The following C1orf21 variants were observed in gnomAD, a reference collection of about 807,000 sequenced individuals.
C1orf21 encodes uncharacterized protein C1orf21.
A neutral mutation model predicts 18.7 loss-of-function variants in C1orf21; 3 were observed. The observed-to-expected ratio is 0.16, with a 90% CI of 0.07 to 0.42. The LOEUF (loss-of-function observed/expected upper bound fraction) is 0.42. C1orf21 is among the 10% of genes least tolerant of loss of function. C1orf21 has a pLI of 0.99. For synonymous variants in C1orf21, 41 were observed against 46.4 expected (o/e 0.88, Z 0.47); for missense variants, 104 against 143.6 (o/e 0.72, Z 1.41).
chr1:184,562,625 T>C (rs982210355), intron 3 of C1orf21, among the ~76,000 whole-genome samples: 3 of 152,320 alleles, frequency 2.0e-5, no homozygotes, highest in Admixed American at 6.5e-5. Flanking sequence ...TAAATTGTCA[T>C]TTGTCTACAC....
At chr1:184,430,240 A>G (rs186851217) in intron 1 of C1orf21, among the ~76,000 whole-genome samples, 4 of 152,184 alleles carry the variant, frequency 2.6e-5, no homozygotes, top group East Asian at 1.9e-4. Flanking sequence ...TACTGAGAAT[A>G]TATCAGTAGA....
rs552730088 is a variant in C1orf21 at position 184,613,400 on chromosome 1, T to C, written c.328-6118T>C. Among the ~76,000 whole-genome samples, 4 of 152,334 alleles carry C rather than the reference T, an allele frequency of 2.6e-5. No homozygotes were observed. The East Asian group carries it at 7.7e-4, about 29-fold the overall frequency. ...AATACAAATAATGAATAATGGACAG[T>C]GGGATTCTAGTATCAACTTTGGTTG... On this transcript the variant is annotated intron_variant, in intron 5 of 5. Coordinates refer to ENST00000235307, the MANE Select transcript of C1orf21 (RefSeq NM_030806.4).
intron 2 of C1orf21, among the ~76,000 whole-genome samples, chr1:184,479,276 G>A (rs4651210): frequency 0.51 from 77,619 of 151,952 alleles, 20,164 homozygotes; most frequent in African/African-American, 0.62. Flanking sequence ...TGAAACGCTT[G>A]ACTTTTAAGA....
At chr1:184,607,628 CACAT>C (rs1337709639) in intron 5 of C1orf21, among the ~76,000 whole-genome samples, 2 of 150,400 alleles carry the variant, frequency 1.3e-5, no homozygotes, top group African/African-American at 2.5e-5. Flanking sequence ...TGTGTATATA[CACAT>C]ACATATATAT....
intron 1 of C1orf21, among the ~76,000 whole-genome samples, chr1:184,414,856 AC>A (rs1656423008): frequency 6.6e-6 from 1 of 152,120 alleles, no homozygotes; most frequent in South Asian, 2.1e-4. Flanking sequence ...TCTTTTGGCC[AC>A]CTTTAGGTCA....
At chr1:184,596,656 G>A (rs941466197) in intron 4 of C1orf21, among the ~76,000 whole-genome samples, 27 of 152,070 alleles carry the variant, frequency 1.8e-4, no homozygotes, top group African/African-American at 6.5e-4. Context: ...GATCACCTGA[G>A]GTCAGGTGTT....
chr1:184,461,932 T>A (rs1306009237), intron 1 of C1orf21, among the ~76,000 whole-genome samples: 1 of 152,154 alleles, frequency 6.6e-6, no homozygotes, highest in African/African-American at 2.4e-5. Context: ...GTAAAACATC[T>A]CTATTCTTTT....
intron 5 of C1orf21, among the ~76,000 whole-genome samples, chr1:184,610,568 C>G (rs1351472786): frequency 1.3e-5 from 2 of 152,140 alleles, no homozygotes; most frequent in Non-Finnish European, 2.9e-5. Context: ...GCTTCTAGGC[C>G]AGGCGCGGTG....
At chr1:184,510,955 A>G (rs982318929) in intron 3 of C1orf21, among the ~76,000 whole-genome samples, 6 of 152,166 alleles carry the variant, frequency 3.9e-5, no homozygotes, top group African/African-American at 1.4e-4. Flanking sequence ...AGATTTGGGT[A>G]AGGTTGCAGA....
intron 1 of C1orf21, among the ~76,000 whole-genome samples, chr1:184,455,771 A>C (rs1657189661): frequency 6.6e-6 from 1 of 152,198 alleles, no homozygotes; most frequent in Admixed American, 6.5e-5. Flanking sequence ...GAATGGGTGA[A>C]TATATAACAT....
intron 1 of C1orf21, among the ~76,000 whole-genome samples, chr1:184,460,780 C>A (rs953182131): frequency 6.8e-6 from 1 of 146,614 alleles, no homozygotes; most frequent in East Asian, 2.0e-4. Flanking sequence ...CTCCTGGGTT[C>A]AATCAGTCTT....
At chr1:184,436,936 G>C (rs1547608) in intron 1 of C1orf21, among the ~76,000 whole-genome samples, 2 of 152,040 alleles carry the variant, frequency 1.3e-5, no homozygotes, top group African/African-American at 2.4e-5. Flanking sequence ...GAGATTGAGC[G>C]GCGGGTTGGG....
chr1:184,571,744 G>A (rs576935037), intron 3 of C1orf21, among the ~76,000 whole-genome samples: 5 of 152,166 alleles, frequency 3.3e-5, no homozygotes, highest in South Asian at 2.1e-4. Context: ...ACATAAGGGG[G>A]GAGTTTAAAA....
chr1:184,544,359 A>G (rs1658698635), intron 3 of C1orf21, among the ~76,000 whole-genome samples: 1 of 152,184 alleles, frequency 6.6e-6, no homozygotes, highest in African/African-American at 2.4e-5. Flanking sequence ...TTTCCTGTGC[A>G]TTGCTGATGA....
intron 1 of C1orf21, among the ~76,000 whole-genome samples, chr1:184,399,639 G>GC (rs1656118212): frequency 6.6e-6 from 1 of 152,116 alleles, no homozygotes; most frequent in South Asian, 2.1e-4. Context: ...ATAGGCATGA[G>GC]CCACCACTCC....
intron 1 of C1orf21, among the ~76,000 whole-genome samples, chr1:184,463,100 A>AG (rs1553251402): frequency 5.4e-4 from 82 of 151,318 alleles, no homozygotes; most frequent in Middle Eastern, 3.4e-3. Flanking sequence ...AAAAAAAAAA[A>AG]AAGAAGAAGA....
Position 184,549,616 on chromosome 1 carries a change from T to G in C1orf21, c.190-41123T>G, listed in dbSNP as rs1658783397. Among the ~76,000 whole-genome samples, 6 of 152,120 alleles carry G rather than the reference T, an allele frequency of 3.9e-5. 1 individual carries two copies. The South Asian group carries it at 1.2e-3, about 32-fold the overall frequency. On this transcript the variant is annotated intron_variant, in intron 3 of 5. Coordinates refer to ENST00000235307, the MANE Select transcript of C1orf21 (RefSeq NM_030806.4). ...ATATAACATCTTTTGAGTTTTTTTT[T>G]TCTTTTTGTTTGATTGTTTTTGTGA...
chr1:184,432,882 C>T (rs1266591121), intron 1 of C1orf21, among the ~76,000 whole-genome samples: 1 of 152,136 alleles, frequency 6.6e-6, no homozygotes, highest in African/African-American at 2.4e-5. Context: ...TATAATTTTG[C>T]CGTTTTCTTT....
chr1:184,469,931 A>G (rs1281503818), intron 1 of C1orf21, among the ~76,000 whole-genome samples: 1 of 152,172 alleles, frequency 6.6e-6, no homozygotes, highest in Non-Finnish European at 1.5e-5. Flanking sequence ...CAGGAATCCT[A>G]TCTGTTTCTT....
Sources: gnomAD v4.1 joint callset for allele counts (sites outside exome capture counted in the v4.1 genomes callset) on GRCh38, gnomAD v4.1.1 for gene constraint, MANE v1.5 for transcripts, NCBI Gene and HGNC (gene_info 2026-07-23, HGNC 2026-07-21) for gene names.